SLC15A1: variants seen among roughly 807,000 people sequenced by gnomAD.
SLC15A1 encodes Caco-2 oligopeptide transporter.
In SLC15A1, 83 loss-of-function variants were observed where a neutral mutation model predicts 92.9. That is an observed-to-expected ratio of 0.89 (90% confidence interval 0.75 to 1.07). The LOEUF (loss-of-function observed/expected upper bound fraction) is 1.07. Ranked by LOEUF, SLC15A1 falls within the 50% of genes least tolerant of loss-of-function variation. The probability of loss-of-function intolerance (pLI) is 0.00; values close to 1 mark genes in which losing one functional copy is unlikely to be tolerated. For synonymous variants in SLC15A1, 322 were observed against 318.2 expected, an observed-to-expected ratio of 1.01 and a Z score of -0.13; for missense variants, 857 against 880.1, an observed-to-expected ratio of 0.97 and a Z score of 0.33.
chr13:98,732,470 G>A (rs1330794501), intron 1 of SLC15A1, among the ~76,000 whole-genome samples: 4 of 151,954 alleles, frequency 2.6e-5, no homozygotes, highest in Non-Finnish European at 4.4e-5. Flanking sequence ...GGTTGGGGGG[G>A]ACAGGGAACA....
At chr13:98,686,882 A>G (rs1321528852) in intron 21 of SLC15A1, among the ~76,000 whole-genome samples, 1 of 152,170 alleles carries the variant, frequency 6.6e-6, no homozygotes, top group Non-Finnish European at 1.5e-5. Flanking sequence ...TTGGGTATCA[A>G]TAAAACCTAG....
intron 10 of SLC15A1, 104 bp downstream of exon 10, chr13:98,712,394 G>T (rs1001978512): frequency 1.8e-5 from 15 of 854,462 alleles, no homozygotes; most frequent in Non-Finnish European, 2.9e-5. Context: ...GGTTAGGAAG[G>T]TATCACTGAC....
rs1391748829 is a variant in SLC15A1 at position 98,704,347 on chromosome 13, T to A, written c.1358A>T (p.Asp453Val). Residue 453 changes from aspartate to valine, a missense_variant, in exon 17 of 23, where the codon GAC (aspartate) becomes GTC (valine). By Grantham distance (152) the Asp-to-Val change is radical. Transcript: ENST00000376503. ...CGTGTGGCGTTGGCCCTGCTTGAAGTCGTCAGTTACAGCAGTGACTGGTGA... is the reference window on the plus strand; with the variant it reads ...CGTGTGGCGTTGGCCCTGCTTGAAGACGTCAGTTACAGCAGTGACTGGTGA... ...PGSPVTAVTD[D>V]FKQGQRHTLL... is the part of the protein sequence containing the mutation. 6.2e-7 allele frequency: 1 copy of A among 1,613,972 alleles called. No individual in the cohort carries two copies. Among genetic ancestry groups the A allele is most frequent in the African/African-American group, 1.3e-5 (1 of 75,010 alleles).
In SLC15A1 at chr13:98,686,270, G is replaced by A; in HGVS notation, c.1855C>T (p.Gln619Ter). ...GCCACGGTCAGCAGCCATCCTGCCT[G>A]AAGCACCGACTTCATGTTGGAAGGA... ...QAPSNMKSVL[Q>*]AGWLLTVAVG... Residue 619 changes from glutamine (Q) to a stop codon, truncating the protein, a stop_gained, in exon 22 of 23, where the codon CAG becomes TAG. Transcript: ENST00000376503. LOFTEE classifies it high-confidence loss of function. 6.2e-7 allele frequency: 1 copy of A among 1,612,780 alleles called. No individual in the cohort carries two copies. Among genetic ancestry groups the A allele is most frequent in the Non-Finnish European group, 8.5e-7 (1 of 1,179,498 alleles).
At chr13:98,721,378 C>T in intron 7 of SLC15A1, 117 bp downstream of exon 7, 1 of 759,122 alleles carries the variant, frequency 1.3e-6, no homozygotes, top group Non-Finnish European at 2.4e-6. Context: ...TGCATCCCAG[C>T]ATGTAGCTGA....
At position 98,723,920 on chromosome 13, in the gene SLC15A1, A is replaced by G. The variant is rs141852331; in HGVS notation, c.357T>C (p.Pro119=). 102 of 1,614,176 alleles carry G rather than the reference A, an allele frequency of 6.3e-5. No homozygotes were observed. In the African/African-American group the frequency reaches 1.3e-3, roughly 20 times the overall value. ...HNHDGTPDSL[P]VHVVLSLIGL... ...AGTGAGCACCAACTCACACGTGCAC[A>G]GGAAGGCTGTCGGGGGTGCCATCAT... is the stretch of plus-strand genomic sequence containing the variant. Residue 119 remains proline (P), a synonymous_variant, in exon 5 of 23, where the codon CCT becomes CCC. Coordinates refer to ENST00000376503, the MANE Select transcript of SLC15A1 (RefSeq NM_005073.4).
At chr13:98,702,617 T>C in intron 17 of SLC15A1, 88 bp from the exon 18 acceptor site, 3 of 1,104,268 alleles carry the variant, frequency 2.7e-6, no homozygotes, top group Non-Finnish European at 4.1e-6. Flanking sequence ...TTTGAGAAGG[T>C]GGTATTGACA....
At chr13:98,691,951 T>C (rs1428241291) in intron 18 of SLC15A1, among the ~76,000 whole-genome samples, 1 of 151,822 alleles carries the variant, frequency 6.6e-6, no homozygotes, top group African/African-American at 2.4e-5. Flanking sequence ...TGCATGCCTA[T>C]AATCTCAGCT....
intron 1 of SLC15A1, among the ~76,000 whole-genome samples, chr13:98,734,821 G>A (rs531561884): frequency 6.6e-6 from 1 of 152,074 alleles, no homozygotes; most frequent in East Asian, 1.9e-4. Context: ...CCAATAACAG[G>A]CTCTGAAATT....
intron 1 of SLC15A1, among the ~76,000 whole-genome samples, chr13:98,742,947 A>G (rs1455459558): frequency 6.6e-6 from 1 of 152,064 alleles, no homozygotes; most frequent in Non-Finnish European, 1.5e-5. Context: ...GCTAAGTTTT[A>G]AAATTTTTGT....
intron 16 of SLC15A1, among the ~76,000 whole-genome samples, chr13:98,704,827 A>G (rs893152206): frequency 6.6e-6 from 1 of 152,136 alleles, no homozygotes; most frequent in African/African-American, 2.4e-5. Context: ...TACCTTCAAG[A>G]TTATTAGTTT....
chr13:98,709,438 C>T, intron 14 of SLC15A1, 134 bp downstream of exon 14: 2 of 677,388 alleles, frequency 3.0e-6, no homozygotes, highest in Non-Finnish European at 5.2e-6. Context: ...AGCACACGAA[C>T]ATTTGTTTTC....
chr13:98,699,306 T>C (rs769313809), intron 18 of SLC15A1, among the ~76,000 whole-genome samples: 32 of 152,326 alleles, frequency 2.1e-4, no homozygotes, highest in Admixed American at 5.9e-4. Context: ...TCTGTTCCCC[T>C]TCTCCACATC....
chr13:98,703,858 C>T (rs1446974098), intron 17 of SLC15A1, among the ~76,000 whole-genome samples: 1 of 152,042 alleles, frequency 6.6e-6, no homozygotes, highest in Non-Finnish European at 1.5e-5. Flanking sequence ...TATTTTATTG[C>T]TTTTACCTGG....
rs764555892 is a variant in SLC15A1 at position 98,721,887 on chromosome 13, C to A, written c.382G>T (p.Gly128Cys). 1 of 1,613,706 alleles carries A rather than the reference C, an allele frequency of 6.2e-7. No individual in the cohort carries two copies. Among genetic ancestry groups the A allele is most frequent in the Admixed American group, 1.7e-5 (1 of 60,002 alleles). The stretch of plus-strand genomic sequence containing the variant: ...GTCCCGAGAGCTATCAGGGCCAGGC[C>A]GATCAAGGACAGCACCCTGGGAAAG... ...LPVHVVLSLI[G>C]LALIALGTGG... Residue 128 changes from glycine to cysteine, a missense_variant, in exon 6 of 23, where the codon GGC becomes TGC. Transcript: ENST00000376503.
intron 9 of SLC15A1, among the ~76,000 whole-genome samples, chr13:98,713,985 G>A (rs1473408225): frequency 3.3e-5 from 5 of 151,480 alleles, no homozygotes; most frequent in South Asian, 2.1e-4. Flanking sequence ...TCTGGGAGAC[G>A]GAGGTTGCAG....
rs540461500 is a variant in SLC15A1 at position 98,699,737 on chromosome 13, C to A, written c.1466+2743G>T. Among the ~76,000 whole-genome samples, 4 of 152,320 alleles carry A rather than the reference C, an allele frequency of 2.6e-5. 1 individual carries two copies. The highest frequency in any genetic ancestry group is 9.6e-5 in the African/African-American group (4 of 41,582). On this transcript the variant is annotated intron_variant, in intron 18 of 22. Transcript: ENST00000376503. Reference sequence around the variant, plus strand: ...GCATCTTGTCCTCCAACCAGCGATGCAGGGGAGTTCCAGGTGCCCCATATC... The same window carrying A: ...GCATCTTGTCCTCCAACCAGCGATGAAGGGGAGTTCCAGGTGCCCCATATC...
intron 18 of SLC15A1, among the ~76,000 whole-genome samples, chr13:98,692,662 T>C (rs868821767): frequency 1.1e-4 from 16 of 152,246 alleles, no homozygotes; most frequent in African/African-American, 3.4e-4. Flanking sequence ...ACTCTATGTT[T>C]AACATTTCAA....
chr13:98,703,347 G>C (rs8001466), intron 17 of SLC15A1, among the ~76,000 whole-genome samples: 32,884 of 151,820 alleles, frequency 0.22, 5,243 homozygotes, highest in African/African-American at 0.45. Flanking sequence ...GGTTGCCGGT[G>C]CTTCCACAGA....
Sources: allele counts gnomAD v4.1 joint callset (sites outside exome capture counted in the v4.1 genomes callset), GRCh38; gene constraint gnomAD v4.1.1; transcripts MANE v1.5; gene names NCBI Gene and HGNC (gene_info 2026-07-23, HGNC 2026-07-21).